Variants in MTR observed in about 807,000 individuals in gnomAD.
MTR encodes 5-methyltetrahydrofolate-homocysteine methyltransferase, also known as methionine synthase.
A neutral mutation model predicts 154.8 loss-of-function variants in MTR; 84 were observed. The observed-to-expected ratio is 0.54, with a 90% CI of 0.45 to 0.65. The LOEUF (loss-of-function observed/expected upper bound fraction) is 0.65, where lower values mean the gene tolerates loss of function less well. Ranked by LOEUF, MTR falls within the 30% of genes least tolerant of loss-of-function variation. The probability of loss-of-function intolerance (pLI) is 0.00; values close to 1 mark genes in which losing one functional copy is unlikely to be tolerated. For missense variants in MTR, 1,275 were observed against 1,570.2 expected (o/e 0.81, Z 3.18); for synonymous variants, 554 against 553.9 (o/e 1.00, Z 0.00).
In MTR at chr1:236,895,384, A is replaced by G; in HGVS notation, c.3432A>G (p.Arg1144=). 2 of 1,603,154 alleles carry G rather than the reference A, an allele frequency of 1.2e-6. No individual in the cohort carries two copies. Among genetic ancestry groups the G allele is most frequent in the Non-Finnish European group, 1.7e-6 (2 of 1,174,436 alleles). The change falls in exon 31 of 33, where the codon AGA becomes AGG. Residue 1144 remains arginine, a synonymous_variant. Transcript: ENST00000366577. The stretch of plus-strand genomic sequence containing the variant: ...CCTTTGCAGAAGAGCTCCATGAAAG[A>G]GTTCGCCGAGAACTGTGGGCCTACT... ...AEAFAEELHE[R]VRRELWAYCG...
chr1:236,886,931 C>T (rs1203198364), intron 27 of MTR, among the ~76,000 whole-genome samples: 1 of 151,784 alleles, frequency 6.6e-6, no homozygotes, highest in Non-Finnish European at 1.5e-5. Context: ...CTTGCTTTCT[C>T]TCTGTCCTCT....
chr1:236,876,741 T>C (rs914416130), intron 24 of MTR, among the ~76,000 whole-genome samples: 4 of 152,132 alleles, frequency 2.6e-5, no homozygotes, highest in African/African-American at 7.2e-5. Context: ...GCAACGTGAC[T>C]AGCCTCTCAA....
At chr1:236,805,173 A>AG (rs1308458709) in intron 2 of MTR, among the ~76,000 whole-genome samples, 1 of 152,148 alleles carries the variant, frequency 6.6e-6, no homozygotes. Flanking sequence ...TGGAAAATCA[A>AG]GGGGGTCAAG....
chr1:236,823,171 T>C lies in MTR; in HGVS notation c.765-948T>C, dbSNP rs532241783. ...AACATAATGCATGACTATGGTACTTTTGTAAAAACTAAGAGTATATTACTA... is the reference window on the plus strand; with the variant it reads ...AACATAATGCATGACTATGGTACTTCTGTAAAAACTAAGAGTATATTACTA... On this transcript the variant is annotated intron_variant, in intron 8 of 32. Coordinates refer to ENST00000366577, the MANE Select transcript of MTR (RefSeq NM_000254.3). Among the ~76,000 whole-genome samples the C allele has an allele frequency of 6.6e-5, 10 of 152,352 alleles. No individual in the cohort carries two copies. In the East Asian group the frequency reaches 1.9e-3, roughly 29 times the overall value.
chr1:236,895,745 A>T (rs1666590364), intron 31 of MTR, among the ~76,000 whole-genome samples, 195 bp downstream of exon 31: 1 of 152,224 alleles, frequency 6.6e-6, no homozygotes, highest in Admixed American at 6.5e-5. Flanking sequence ...TTACATCATT[A>T]TTTTTAGATG....
At chr1:236,869,219 T>C (rs1206983338) in intron 22 of MTR, among the ~76,000 whole-genome samples, 2 of 152,260 alleles carry the variant, frequency 1.3e-5, no homozygotes, top group East Asian at 3.8e-4. Context: ...GGACTTTTTG[T>C]CTTACATTAC....
chr1:236,894,577 C>T lies in MTR; in HGVS notation c.3405+20C>T. On this transcript the variant is annotated intron_variant, in intron 30 of 32. Transcript: ENST00000366577. ...GCAGAGGTAAGGCAGAGGCATTGCG[C>T]CGAGGGGCTGAGGACAGAGGCCAGG... 2 of 1,612,856 alleles carry T rather than the reference C, an allele frequency of 1.2e-6. No individual in the cohort carries two copies. The highest frequency in any genetic ancestry group is 1.7e-6 in the Non-Finnish European group (2 of 1,179,728).
intron 12 of MTR, among the ~76,000 whole-genome samples, chr1:236,830,343 A>G (rs1188749686): frequency 6.6e-6 from 1 of 152,220 alleles, no homozygotes; most frequent in Admixed American, 6.5e-5. Flanking sequence ...GCATTACTTC[A>G]GCCAAGCACT....
In MTR at chr1:236,838,538, C is replaced by T. The variant is rs748624850; in HGVS notation, c.1454C>T (p.Ala485Val). The change falls in exon 15 of 33, where the codon GCC (alanine) becomes GTC (valine). Residue 485 changes from alanine to valine, a missense_variant. By Grantham distance (64) the Ala-to-Val change is moderately conservative. Coordinates refer to ENST00000366577, the MANE Select transcript of MTR (RefSeq NM_000254.3). ...GGAGAGGACGACTTCTTGGAGAAGGCCAGGAAGATTAAAAAGTATGGAGCT... is the reference window on the plus strand; with the variant it reads ...GGAGAGGACGACTTCTTGGAGAAGGTCAGGAAGATTAAAAAGTATGGAGCT... ...KEGEDDFLEKARKIKKYGAAM... is the reference protein window; with the variant it reads ...KEGEDDFLEKVRKIKKYGAAM... 7.4e-6 allele frequency: 12 copies of T among 1,613,876 alleles called. No homozygotes were observed. The highest frequency in any genetic ancestry group is 1.3e-5 in the African/African-American group (1 of 74,872).
At chr1:236,823,358 T>A (rs1662086048) in intron 8 of MTR, among the ~76,000 whole-genome samples, 1 of 152,212 alleles carries the variant, frequency 6.6e-6, no homozygotes, top group African/African-American at 2.4e-5. Flanking sequence ...TCATGTCAGT[T>A]CTCAAAAAGT....
intron 25 of MTR, among the ~76,000 whole-genome samples, chr1:236,881,371 G>A (rs749035378): frequency 6.6e-6 from 1 of 152,050 alleles, no homozygotes; most frequent in Non-Finnish European, 1.5e-5. Flanking sequence ...CTTGTTATAG[G>A]TTTCATTGTT....
chr1:236,836,982 A>AC (rs1282652056), intron 14 of MTR, among the ~76,000 whole-genome samples: 7 of 152,278 alleles, frequency 4.6e-5, no homozygotes, highest in Admixed American at 3.3e-4. Context: ...ACTGTGAAGG[A>AC]CCCCATGTAA....
At chr1:236,805,965 C>T (rs140593411) in intron 2 of MTR, among the ~76,000 whole-genome samples, 179 bp from the exon 3 acceptor site, 27 of 152,294 alleles carry the variant, frequency 1.8e-4, no homozygotes, top group African/African-American at 4.3e-4. Context: ...ATTCATACCA[C>T]GTGCCTTTCT....
intron 18 of MTR, among the ~76,000 whole-genome samples, chr1:236,858,778 G>C (rs1366186247): frequency 6.6e-6 from 1 of 152,154 alleles, no homozygotes; most frequent in Non-Finnish European, 1.5e-5. Context: ...TAGGTTTCCG[G>C]TTTGGCAGCT....
chr1:236,858,830 A>G (rs10925250), intron 18 of MTR, among the ~76,000 whole-genome samples: 32,505 of 152,062 alleles, frequency 0.21, 3,691 homozygotes, highest in South Asian at 0.31. Context: ...AAGTAATGCA[A>G]TTTATCAGGT....
chr1:236,843,806 C>G (rs946593793), intron 15 of MTR, among the ~76,000 whole-genome samples: 2 of 152,138 alleles, frequency 1.3e-5, no homozygotes, highest in African/African-American at 4.8e-5. Context: ...AAGGAAGGAG[C>G]TACTGAGGTA....
Position 236,810,505 on chromosome 1 carries a change from A to G in MTR, c.412A>G (p.Ile138Val). The part of the protein sequence containing the change: ...AAEEVTLQTG[I>V]KRFVAGALGP... Reference sequence around the variant, plus strand: ...CACTTGTTTTTCTTTTCCCAAAGGAATTAAGAGGTTTGTGGCAGGGGCTCT... The same window carrying G: ...CACTTGTTTTTCTTTTCCCAAAGGAGTTAAGAGGTTTGTGGCAGGGGCTCT... Residue 138 changes from isoleucine to valine, a missense_variant and splice_region_variant, in exon 5 of 33, where the codon ATT (isoleucine) becomes GTT (valine). Transcript: ENST00000366577. The G allele has an allele frequency of 6.2e-7, 1 of 1,613,368 alleles. No individual in the cohort carries two copies. The highest frequency in any genetic ancestry group is 8.5e-7 in the Non-Finnish European group (1 of 1,179,394).
intron 22 of MTR, among the ~76,000 whole-genome samples, chr1:236,872,386 CT>C (rs1269589400): frequency 6.6e-6 from 1 of 152,160 alleles, no homozygotes; most frequent in Non-Finnish European, 1.5e-5. Flanking sequence ...ATCACTCTCC[CT>C]CTTTTTCTTG....
At chr1:236,826,779 G>A in intron 10 of MTR, 50 bp from the exon 11 acceptor site, 1 of 1,486,858 alleles carries the variant, frequency 6.7e-7, no homozygotes, top group South Asian at 1.1e-5. Flanking sequence ...GTGGTAATGA[G>A]TTTAGAATTC....
Sources: gnomAD v4.1 joint callset for allele counts (sites outside exome capture counted in the v4.1 genomes callset) on GRCh38, gnomAD v4.1.1 for gene constraint, MANE v1.5 for transcripts, NCBI Gene and HGNC (gene_info 2026-07-23, HGNC 2026-07-21) for gene names.